The following CCNB3 variants were observed in gnomAD, a reference collection of about 807,000 sequenced individuals.
CCNB3 encodes G2/mitotic-specific cyclin-B3.
Under a neutral mutation model 68.0 loss-of-function variants are expected in CCNB3, and 12 were observed. The observed-to-expected ratio is 0.18, with a 90% confidence interval of 0.11 to 0.29. The LOEUF (loss-of-function observed/expected upper bound fraction) is 0.29, where lower values mean the gene tolerates loss of function less well. Among genes scored for constraint, CCNB3 ranks in the 10% least tolerant of loss-of-function variants. The pLI is 1.00. For missense variants in CCNB3, 904 were observed against 993.1 expected, an observed-to-expected ratio of 0.91 and a Z score of 1.21; for synonymous variants, 354 against 388.9, an observed-to-expected ratio of 0.91 and a Z score of 1.06.
intron 1 of CCNB3, among the ~76,000 whole-genome samples, chrX:50,211,392 G>A (rs1263140550): frequency 9.0e-5 from 10 of 110,793 alleles, no homozygotes; most frequent in Non-Finnish European, 1.5e-4. Flanking sequence ...AGCCGGGTGC[G>A]GTGGCTCACA....
chrX:50,228,775 CATATATAGAATATATATATAGAATAG>C (rs1935990109), intron 1 of CCNB3, among the ~76,000 whole-genome samples: 6 of 43,353 alleles, frequency 1.4e-4, no homozygotes, highest in South Asian at 2.2e-3. Flanking sequence ...ATATAGAATA[CATATATAGAATATATATATAGAATAG>C]ATATATAGAA....
chrX:50,227,250 TATATATATAAATATATATACAGA>T (rs1935880997), intron 1 of CCNB3, among the ~76,000 whole-genome samples: 2 of 74,337 alleles, frequency 2.7e-5, no homozygotes, highest in Non-Finnish European at 4.9e-5. Flanking sequence ...ATATACAGAA[TATATATATAAATATATATACAGA>T]ATATATATAA....
intron 7 of CCNB3, among the ~76,000 whole-genome samples, chrX:50,312,855 T>C (rs1557215256): frequency 9.0e-6 from 1 of 111,377 alleles, no homozygotes; most frequent in African/African-American, 3.3e-5. Flanking sequence ...TATTATTATC[T>C]CCCTCTTACA....
chrX:50,329,583 C>T (rs73495675), intron 8 of CCNB3, among the ~76,000 whole-genome samples: 6,041 of 112,607 alleles, frequency 0.054, 368 homozygotes, highest in African/African-American at 0.18. Flanking sequence ...GCCCCCCACT[C>T]ACCCTCCTAG....
intron 8 of CCNB3, among the ~76,000 whole-genome samples, chrX:50,337,047 C>CA (rs1922891172): frequency 9.0e-6 from 1 of 111,579 alleles, no homozygotes; most frequent in Non-Finnish European, 1.9e-5. Flanking sequence ...GGTTGATACA[C>CA]AAAGGCTGCC....
intron 8 of CCNB3, among the ~76,000 whole-genome samples, chrX:50,323,665 A>G (rs1246471201): frequency 8.9e-6 from 1 of 111,921 alleles, no homozygotes; most frequent in Non-Finnish European, 1.9e-5. Flanking sequence ...CATTTAATTT[A>G]CTCTTGCACT....
At chrX:50,333,400 A>G (rs1170329924) in intron 8 of CCNB3, among the ~76,000 whole-genome samples, 2 of 111,865 alleles carry the variant, frequency 1.8e-5, no homozygotes, top group African/African-American at 6.5e-5. Context: ...AAGATCCTCA[A>G]AAGGAGCCGC....
rs781859927 is a variant in CCNB3 at position 50,336,258 on chromosome X, G to A, written c.3517-5944G>A. Among the ~76,000 whole-genome samples the A allele has an allele frequency of 3.6e-5, 4 of 111,902 alleles. No homozygotes were observed. The East Asian group carries it at 8.4e-4, about 24-fold the overall frequency. On this transcript the variant is annotated intron_variant, in intron 8 of 12. Coordinates refer to ENST00000376042, the MANE Select transcript of CCNB3 (RefSeq NM_033031.3). ...AATGTCCTATTTCCTTACAATAGGC[G>A]CATTGGTTACATTGCAGCATGGGCG...
intron 8 of CCNB3, among the ~76,000 whole-genome samples, chrX:50,323,430 G>A (rs1922138657): frequency 1.0e-5 from 1 of 100,138 alleles, no homozygotes; most frequent in Non-Finnish European, 2.0e-5. Context: ...GGTAGGGGGA[G>A]GGGGGAGGGA....
In CCNB3 at chrX:50,324,124, A is replaced by G. The variant is rs782177875; in HGVS notation, c.3516+10176A>G. Among the ~76,000 whole-genome samples the G allele has an allele frequency of 1.5e-4, 17 of 112,350 alleles. No individual in the cohort carries two copies. The East Asian group carries it at 3.6e-3, about 24-fold the overall frequency. On this transcript the variant is annotated intron_variant, in intron 8 of 12. Transcript: ENST00000376042. The stretch of plus-strand genomic sequence containing the variant: ...GCTCACCGCAATCTCGGCTCACCGC[A>G]ATCTCTGCCTCCCAGGCTCAAGCTA...
intron 1 of CCNB3, among the ~76,000 whole-genome samples, chrX:50,223,103 C>T (rs1407911057): frequency 9.0e-6 from 1 of 110,717 alleles, no homozygotes; most frequent in African/African-American, 3.3e-5. Flanking sequence ...CTGTGTTTTT[C>T]AGCTCCATCA....
chrX:50,313,407 A>T (rs781871352), intron 7 of CCNB3, among the ~76,000 whole-genome samples: 74 of 112,081 alleles, frequency 6.6e-4, no homozygotes, highest in Non-Finnish European at 8.5e-4. Context: ...CAGCAGTATC[A>T]GTTTCACTTG....
intron 5 of CCNB3, 126 bp from the exon 6 acceptor site, chrX:50,308,379 A>G: frequency 8.5e-6 from 4 of 473,168 alleles, no homozygotes; most frequent in Non-Finnish European, 1.1e-5. Context: ...TGTCCCTCTA[A>G]TCTGTCTTAT....
intron 1 of CCNB3, among the ~76,000 whole-genome samples, chrX:50,216,510 C>A (rs989360265): frequency 9.0e-6 from 1 of 110,564 alleles, no homozygotes; most frequent in African/African-American, 3.3e-5. Flanking sequence ...CCTCCTGATC[C>A]GCTCGCCTCG....
At chrX:50,214,982 T>G (rs1338315763) in intron 1 of CCNB3, among the ~76,000 whole-genome samples, 1 of 109,497 alleles carries the variant, frequency 9.1e-6, no homozygotes, top group Non-Finnish European at 1.9e-5. Flanking sequence ...TGGAGATTGT[T>G]CTGTTATTAT....
intron 5 of CCNB3, among the ~76,000 whole-genome samples, chrX:50,296,190 T>G (rs1037728658): frequency 2.8e-5 from 3 of 107,841 alleles, no homozygotes; most frequent in Admixed American, 1.0e-4. Context: ...TGCAGGTTTG[T>G]TACATATGTA....
intron 12 of CCNB3, 95 bp from the exon 13 acceptor site, chrX:50,351,512 G>T: frequency 9.5e-7 from 1 of 1,048,559 alleles, no homozygotes; most frequent in Non-Finnish European, 1.3e-6. Flanking sequence ...GTTAAAGCAA[G>T]ATAGGAAACT....
intron 1 of CCNB3, among the ~76,000 whole-genome samples, chrX:50,280,163 T>A (rs1440311914): frequency 3.3e-5 from 3 of 91,968 alleles, no homozygotes; most frequent in Non-Finnish European, 4.1e-5. Context: ...TATATATAAA[T>A]ATATATAGAA....
In CCNB3 at chrX:50,306,663, G is replaced by A. The variant is rs781966079; in HGVS notation, c.336-1842G>A. ...CTCCTTTCTATTCCTTGTTTGTTAA[G>A]TGCTTTTTATCATGAAAGAGGGTTA... On this transcript the variant is annotated intron_variant, in intron 5 of 12. Transcript: ENST00000376042. Among the ~76,000 whole-genome samples the A allele has an allele frequency of 2.1e-4, 23 of 111,832 alleles. No homozygotes were observed. The South Asian group carries it at 8.2e-3, about 40-fold the overall frequency.
Sources: allele counts gnomAD v4.1 joint callset (sites outside exome capture counted in the v4.1 genomes callset), GRCh38; gene constraint gnomAD v4.1.1; transcripts MANE v1.5; gene names NCBI Gene and HGNC (gene_info 2026-07-23, HGNC 2026-07-21).